TTLL11: variants seen among roughly 807,000 people sequenced by gnomAD.
The protein encoded by TTLL11 is tubulin polyglutamylase TTLL11.
Under a neutral mutation model 51.7 loss-of-function variants are expected in TTLL11, and 42 were observed. The ratio of observed to expected loss-of-function variants is 0.81; its 90% confidence interval spans 0.64 to 1.05. TTLL11 has a LOEUF of 1.05. Among genes scored for constraint, TTLL11 ranks in the 50% least tolerant of loss-of-function variants. The probability of loss-of-function intolerance (pLI) is 0.00; values close to 1 mark genes in which losing one functional copy is unlikely to be tolerated. For synonymous variants in TTLL11, 381 were observed against 383.5 expected, an observed-to-expected ratio of 0.99 and a Z score of 0.08; for missense variants, 799 against 940.4, an observed-to-expected ratio of 0.85 and a Z score of 1.97.
intron 3 of TTLL11, among the ~76,000 whole-genome samples, chr9:122,028,372 G>A (rs1297289570): frequency 1.3e-5 from 2 of 152,106 alleles, no homozygotes; most frequent in African/African-American, 4.8e-5. Context: ...TAAAAATGCA[G>A]ATAGGTTAAA....
At chr9:121,826,499 GTGTATATATATATA>G (rs1477703368) in intron 8 of TTLL11, among the ~76,000 whole-genome samples, 2 of 43,830 alleles carry the variant, frequency 4.6e-5, no homozygotes, top group Admixed American at 1.8e-4. Context: ...ATATATGTGT[GTGTATATATATATA>G]TGTATATATA....
At position 121,884,480 on chromosome 9, in the gene TTLL11, G is replaced by A. The variant is rs574271640; in HGVS notation, c.1482-13732C>T. On this transcript the variant is annotated intron_variant, in intron 6 of 8. Transcript: ENST00000321582. Reference sequence around the variant, plus strand: ...ACCCCGTCCTGCCAAACACACACGCGGGAGAGGGAGAGGGCAAGGGGGATG... The same window carrying A: ...ACCCCGTCCTGCCAAACACACACGCAGGAGAGGGAGAGGGCAAGGGGGATG... 9.2e-5 allele frequency among the ~76,000 whole-genome samples: 14 copies of A among 152,260 alleles called. No homozygotes were observed. In the South Asian group the frequency reaches 1.0e-3, roughly 11 times the overall value.
intron 6 of TTLL11, among the ~76,000 whole-genome samples, chr9:121,897,618 G>GCACACACA (rs745877337): frequency 1.2e-4 from 16 of 137,010 alleles, no homozygotes; most frequent in African/African-American, 4.1e-4. Context: ...TTCCCTCCAG[G>GCACACACA]CACACACACA....
At chr9:122,014,219 G>T (rs1238442697) in intron 3 of TTLL11, among the ~76,000 whole-genome samples, 1 of 152,040 alleles carries the variant, frequency 6.6e-6, no homozygotes, top group Non-Finnish European at 1.5e-5. Context: ...ACAAAAATTA[G>T]CTGGGCATGG....
At chr9:122,088,340 T>C (rs1360916090) in intron 1 of TTLL11, among the ~76,000 whole-genome samples, 2 of 152,158 alleles carry the variant, frequency 1.3e-5, no homozygotes, top group Non-Finnish European at 2.9e-5. Context: ...TTGCATGTAT[T>C]CCTCCTCCTA....
intron 6 of TTLL11, among the ~76,000 whole-genome samples, chr9:121,915,120 G>A (rs964713325): frequency 7.9e-5 from 12 of 152,160 alleles, no homozygotes; most frequent in Admixed American, 5.2e-4. Flanking sequence ...GTGGGAGGGG[G>A]AGCTGGCCAA....
chr9:121,837,928 C>T (rs765456354), intron 8 of TTLL11, among the ~76,000 whole-genome samples: 1 of 152,192 alleles, frequency 6.6e-6, no homozygotes, highest in African/African-American at 2.4e-5. Flanking sequence ...TGTTTCATCT[C>T]GCTCTCCTGC....
chr9:121,881,448 T>A (rs1426503851), intron 6 of TTLL11, among the ~76,000 whole-genome samples: 1 of 152,214 alleles, frequency 6.6e-6, no homozygotes, highest in East Asian at 1.9e-4. Context: ...TCCGTAGGCA[T>A]ATCCCAGGTC....
chr9:121,960,772 G>C (rs1240199143), intron 6 of TTLL11, among the ~76,000 whole-genome samples: 1 of 152,056 alleles, frequency 6.6e-6, no homozygotes, highest in African/African-American at 2.4e-5. Context: ...GTAAATAAAG[G>C]CATCCCCCAA....
At chr9:121,885,399 C>G (rs1838973139) in intron 6 of TTLL11, 1 of 152,240 alleles carries the variant, frequency 6.6e-6, no homozygotes, top group Admixed American at 6.5e-5. Flanking sequence ...GGCATCCTAG[C>G]AAGTGGAAAG....
intron 6 of TTLL11, among the ~76,000 whole-genome samples, chr9:121,916,862 G>A (rs747782365): frequency 6.6e-6 from 1 of 152,184 alleles, no homozygotes; most frequent in Non-Finnish European, 1.5e-5. Flanking sequence ...CCAGGTAGAT[G>A]TCTCTTACTT....
In TTLL11 at chr9:121,822,933, T is replaced by C. The variant is rs1429846651; in HGVS notation, c.1841-54A>G. 2.7e-6 allele frequency: 4 copies of C among 1,478,012 alleles called. No homozygotes were observed. In the East Asian group the frequency reaches 1.0e-4, roughly 37 times the overall value. 91.6% of individuals were successfully genotyped at this position (1,478,012 alleles called of 1,614,324 possible). A position where few individuals can be genotyped will look rare whatever the true frequency, so the allele number is the denominator to read the frequency against. On this transcript the variant is annotated intron_variant, in intron 8 of 8. Coordinates refer to ENST00000321582, the MANE Select transcript of TTLL11 (RefSeq NM_001139442.2). This position sits in a 1 kb window ranked among gnomAD's most constrained non-coding sequence, Gnocchi z 5.8. ...TGCACACAGCTGCCCTACGCTGCCC[T>C]GGGAAGGCCCACCTCCAGCCACAAG...
rs1030988606 is a variant in TTLL11, at chr9:121,974,898, C to T, written c.1351G>A (p.Glu451Lys). ...AAAATACTTACTTCGTGCTCATGTT[C>T]GATTCTCATACTGGGATTTGCATTT... is the stretch of plus-strand genomic sequence containing the variant. ...EVNANPSMRI[E>K]HEHELSPGVF... Residue 451 changes from glutamate (E) to lysine (K), a missense_variant, in exon 5 of 9, where the codon GAA becomes AAA. By Grantham distance (56) the Glu-to-Lys change is moderately conservative. Coordinates refer to ENST00000321582, the MANE Select transcript of TTLL11 (RefSeq NM_001139442.2). 5.8e-6 allele frequency: 9 copies of T among 1,545,672 alleles called. No homozygotes were observed. The highest frequency in any genetic ancestry group is 2.7e-5 in the African/African-American group (2 of 72,780).
chr9:122,022,761 T>A (rs902557290), intron 3 of TTLL11, among the ~76,000 whole-genome samples: 2 of 152,024 alleles, frequency 1.3e-5, no homozygotes, highest in African/African-American at 2.4e-5. Context: ...GTTATTTAAA[T>A]CTCTTTAAAA....
intron 8 of TTLL11, among the ~76,000 whole-genome samples, chr9:121,826,517 ATATATATATATGTGTG>A (rs1836790758): frequency 1.1e-5 from 1 of 93,870 alleles, no homozygotes. Context: ...ATATATATGT[ATATATATATATGTGTG>A]TGTGTATATA....
At chr9:122,020,838 C>A (rs1035912812) in intron 3 of TTLL11, among the ~76,000 whole-genome samples, 1 of 152,192 alleles carries the variant, frequency 6.6e-6, no homozygotes, top group Non-Finnish European at 1.5e-5. Flanking sequence ...CTCACCAGAA[C>A]CCAACCATGC....
At chr9:121,988,555 TAC>T (rs1410720587) in intron 4 of TTLL11, among the ~76,000 whole-genome samples, 1 of 152,010 alleles carries the variant, frequency 6.6e-6, no homozygotes, top group African/African-American at 2.4e-5. Flanking sequence ...CCCCTACCCC[TAC>T]CCAGTTTCTC....
chr9:122,066,739 T>C (rs1845593665), intron 1 of TTLL11, among the ~76,000 whole-genome samples: 1 of 152,150 alleles, frequency 6.6e-6, no homozygotes, highest in East Asian at 1.9e-4. Context: ...AGTAGTATGG[T>C]CCGTTTTCAT....
intron 6 of TTLL11, among the ~76,000 whole-genome samples, chr9:121,968,238 A>C (rs1319575280): frequency 6.6e-6 from 1 of 152,240 alleles, no homozygotes; most frequent in Non-Finnish European, 1.5e-5. Context: ...TAAGAAAATC[A>C]ATTGAGTCAC....
Sources: gnomAD v4.1 joint callset for allele counts (sites outside exome capture counted in the v4.1 genomes callset) on GRCh38, gnomAD v4.1.1 for gene constraint, Gnocchi (gnomAD v3.1) non-coding constraint, MANE v1.5 for transcripts, NCBI Gene and HGNC (gene_info 2026-07-23, HGNC 2026-07-21) for gene names.